Variants in ZNRF3 observed in about 807,000 individuals in gnomAD.
ZNRF3 encodes the protein E3 ubiquitin-protein ligase ZNRF3.
A neutral mutation model predicts 72.5 loss-of-function variants in ZNRF3; 23 were observed. The observed-to-expected ratio is 0.32, with a 90% CI of 0.23 to 0.45. The LOEUF is 0.45. ZNRF3 is among the 20% of genes least tolerant of loss of function. The pLI is 1.00. For synonymous variants in ZNRF3, 610 were observed against 545.3 expected, an observed-to-expected ratio of 1.12 and a Z score of -1.65; for missense variants, 1,169 against 1,272.1, an observed-to-expected ratio of 0.92 and a Z score of 1.23.
At position 29,049,911 on chromosome 22, in the gene ZNRF3, A is replaced by G. The variant is rs1328641868; in HGVS notation, c.1730A>G (p.Gln577Arg). The change falls in exon 8 of 9, where the codon CAG becomes CGG. Residue 577 changes from glutamine to arginine, a missense_variant. Gln to Arg is a conservative substitution (Grantham distance 43). Coordinates refer to ENST00000544604, the MANE Select transcript of ZNRF3 (RefSeq NM_001206998.2). This position sits in a 1 kb window ranked among gnomAD's most constrained non-coding sequence, Gnocchi z 5.2. ...GTAGACTGCACTGAGGTCAGCAACCAGGGCGTGTACGGGAGCTGCTCCACC... is the reference window on the plus strand; with the variant it reads ...GTAGACTGCACTGAGGTCAGCAACCGGGGCGTGTACGGGAGCTGCTCCACC... The part of the protein sequence containing the change: ...SVVDCTEVSN[Q>R]GVYGSCSTFR... 1 of 1,604,168 alleles carries G rather than the reference A, an allele frequency of 6.2e-7. No individual in the cohort carries two copies. Among genetic ancestry groups the G allele is most frequent in the East Asian group, 2.2e-5 (1 of 44,726 alleles).
chr22:28,936,445 C>A (rs1159443052), intron 1 of ZNRF3, among the ~76,000 whole-genome samples: 5 of 152,110 alleles, frequency 3.3e-5, no homozygotes. Flanking sequence ...AGCAGGCAAC[C>A]CTGACTCCTT....
chr22:28,940,451 A>G (rs184297017), intron 1 of ZNRF3, among the ~76,000 whole-genome samples: 2 of 150,524 alleles, frequency 1.3e-5, no homozygotes, highest in Admixed American at 1.3e-4. Context: ...TTTGAAGAGC[A>G]GGATTCTTTT....
Position 28,997,911 on chromosome 22 carries a change from G to A in ZNRF3, c.426+10710G>A, listed in dbSNP as rs925132391. ...CTCAGCTACTCAGAAGGTTAACATGGGAGGATCATTTGAGCCCAGGAGTTC... is the reference window on the plus strand; with the variant it reads ...CTCAGCTACTCAGAAGGTTAACATGAGAGGATCATTTGAGCCCAGGAGTTC... On this transcript the variant is annotated intron_variant, in intron 2 of 8. Transcript: ENST00000544604. Among the ~76,000 whole-genome samples the A allele has an allele frequency of 5.3e-5, 8 of 150,404 alleles. No homozygotes were observed. The East Asian group carries it at 7.9e-4, about 15-fold the overall frequency.
At chr22:28,897,174 G>C (rs59224170) in intron 1 of ZNRF3, among the ~76,000 whole-genome samples, 15,537 of 152,140 alleles carry the variant, frequency 0.1, 1,021 homozygotes, top group South Asian at 0.25. Context: ...CTTTCGTGGC[G>C]TCCTGTTGCT....
At chr22:29,006,359 G>A (rs977820065) in intron 2 of ZNRF3, among the ~76,000 whole-genome samples, 9 of 152,052 alleles carry the variant, frequency 5.9e-5, no homozygotes, top group Non-Finnish European at 8.8e-5. Context: ...ACTTACAGGC[G>A]TGTACCGCCA....
At chr22:28,975,057 G>T (rs1442252981) in intron 1 of ZNRF3, among the ~76,000 whole-genome samples, 1 of 152,142 alleles carries the variant, frequency 6.6e-6, no homozygotes, top group Non-Finnish European at 1.5e-5. Context: ...AGTCTTTGGG[G>T]GAACTTTTTT....
At chr22:29,035,787 C>T (rs115782926) in intron 2 of ZNRF3, among the ~76,000 whole-genome samples, 6,323 of 151,982 alleles carry the variant, frequency 0.042, 171 homozygotes, top group South Asian at 0.068. Flanking sequence ...ACCGTGTTAC[C>T]GAGGCTGCTC....
At chr22:28,884,608 G>T (rs1279462874) in intron 1 of ZNRF3, among the ~76,000 whole-genome samples, 1 of 152,222 alleles carries the variant, frequency 6.6e-6, no homozygotes. Context: ...GCAGCAGCAG[G>T]CAGGGGAGGA....
intron 1 of ZNRF3, among the ~76,000 whole-genome samples, chr22:28,920,083 C>CCT (rs1287785951): frequency 3.3e-5 from 5 of 151,632 alleles, no homozygotes; most frequent in Admixed American, 1.3e-4. Context: ...AATTCTCGTG[C>CCT]CTCAGCCTCC....
intron 2 of ZNRF3, among the ~76,000 whole-genome samples, chr22:29,001,059 CTTTT>C (rs773296494): frequency 2.6e-5 from 2 of 77,898 alleles, no homozygotes; most frequent in East Asian, 4.8e-4. Context: ...AAAGCTTTGC[CTTTT>C]TTTTTTTTTT....
chr22:29,042,322 C>A (rs774829704), intron 2 of ZNRF3, among the ~76,000 whole-genome samples, 173 bp from the exon 3 acceptor site: 7 of 152,186 alleles, frequency 4.6e-5, no homozygotes, highest in Admixed American at 6.5e-5. Flanking sequence ...TCATCAGTCC[C>A]CTTCTTTATA....
intron 2 of ZNRF3, among the ~76,000 whole-genome samples, chr22:29,036,807 T>A (rs1359924770): frequency 2.6e-5 from 4 of 152,002 alleles, no homozygotes; most frequent in African/African-American, 9.7e-5. Context: ...ACATGTATAG[T>A]GTGTAGGAAA....
intron 1 of ZNRF3, among the ~76,000 whole-genome samples, chr22:28,943,326 T>G (rs1035470216): frequency 2.6e-5 from 4 of 152,168 alleles, no homozygotes; most frequent in African/African-American, 9.7e-5. Context: ...CCTCTACACT[T>G]GCTTCCCTTA....
intron 1 of ZNRF3, among the ~76,000 whole-genome samples, chr22:28,891,309 TGACAGGG>T (rs2033881710): frequency 1.3e-5 from 2 of 152,342 alleles, no homozygotes; most frequent in South Asian, 4.1e-4. Flanking sequence ...TGGCTGAGTG[TGACAGGG>T]GACACCAGAT....
intron 5 of ZNRF3, among the ~76,000 whole-genome samples, chr22:29,045,775 C>T (rs1340248378): frequency 6.6e-6 from 1 of 152,230 alleles, no homozygotes; most frequent in African/African-American, 2.4e-5. Flanking sequence ...CCACGCCCGT[C>T]CCAAAGGAAG....
At chr22:28,924,003 C>T (rs1029418322) in intron 1 of ZNRF3, among the ~76,000 whole-genome samples, 2 of 152,228 alleles carry the variant, frequency 1.3e-5, no homozygotes, top group African/African-American at 4.8e-5. Flanking sequence ...TTGCCCCGGG[C>T]GGGAACCACA....
At chr22:28,965,899 G>A (rs892042957) in intron 1 of ZNRF3, among the ~76,000 whole-genome samples, 2 of 152,208 alleles carry the variant, frequency 1.3e-5, no homozygotes, top group Non-Finnish European at 2.9e-5. Flanking sequence ...ATTCAGAATG[G>A]TGGTCACATT....
intron 8 of ZNRF3, among the ~76,000 whole-genome samples, chr22:29,052,539 G>T (rs1477931853): frequency 6.6e-6 from 1 of 152,032 alleles, no homozygotes; most frequent in Admixed American, 6.6e-5. Context: ...ATAAAAATAT[G>T]AAAATTAGCC....
At chr22:28,950,709 A>G (rs1269127454) in intron 1 of ZNRF3, among the ~76,000 whole-genome samples, 1 of 152,210 alleles carries the variant, frequency 6.6e-6, no homozygotes, top group Admixed American at 6.5e-5. Context: ...ACTGATGTCT[A>G]GTTCAGGCCC....
Sources: gnomAD v4.1 joint callset for allele counts (sites outside exome capture counted in the v4.1 genomes callset) on GRCh38, gnomAD v4.1.1 for gene constraint, Gnocchi (gnomAD v3.1) non-coding constraint, MANE v1.5 for transcripts, NCBI Gene and HGNC (gene_info 2026-07-23, HGNC 2026-07-21) for gene names.